Variants in ZNF287 observed in about 807,000 individuals in gnomAD.
The protein encoded by ZNF287 is zinc finger protein 287, also known as zinc finger protein with KRAB and SCAN domains 13.
A neutral mutation model predicts 73.7 loss-of-function variants in ZNF287; 31 were observed. The ratio of observed to expected loss-of-function variants is 0.42; its 90% CI spans 0.32 to 0.57. The LOEUF (loss-of-function observed/expected upper bound fraction) is 0.57. ZNF287 is among the 20% of genes least tolerant of loss of function. ZNF287 has a pLI of 0.13. For missense variants in ZNF287, 641 were observed against 909.3 expected (o/e 0.70, Z 3.79); for synonymous variants, 301 against 307.2 (o/e 0.98, Z 0.21).
intron 5 of ZNF287, among the ~76,000 whole-genome samples, chr17:16,555,601 AACACACACACACACACACACACACAC>A (rs201011881): frequency 7.8e-6 from 1 of 128,162 alleles, no homozygotes; most frequent in African/African-American, 2.8e-5. Flanking sequence ...CACATAACCA[AACACACACACACACACACACACACAC>A]ACACACACAC....
chr17:16,555,621 CA>C (rs1906997441), intron 5 of ZNF287, among the ~76,000 whole-genome samples: 1 of 151,732 alleles, frequency 6.6e-6, no homozygotes, highest in African/African-American at 2.4e-5. Context: ...CACACACACA[CA>C]CACACACACA....
In ZNF287 at chr17:16,547,004, A is replaced by G. The variant is rs1407589980; in HGVS notation, c.*4852T>C. ...AATGGTTATAGTGTTCTAAGGGGCTAATAATTATGAAAGATAGAGCCATGG... is the reference window on the plus strand; with the variant it reads ...AATGGTTATAGTGTTCTAAGGGGCTGATAATTATGAAAGATAGAGCCATGG... On this transcript the variant is annotated 3_prime_UTR_variant, in exon 6 of 6. Coordinates refer to ENST00000395825, the MANE Select transcript of ZNF287 (RefSeq NM_020653.4). Among the ~76,000 whole-genome samples the G allele has an allele frequency of 4.6e-5, 7 of 152,194 alleles. No individual in the cohort carries two copies. Among genetic ancestry groups the G allele is most frequent in the Admixed American group, 3.9e-4 (6 of 15,280 alleles).
intron 5 of ZNF287, among the ~76,000 whole-genome samples, chr17:16,561,890 T>C (rs1224476703): frequency 1.3e-5 from 2 of 152,214 alleles, no homozygotes; most frequent in African/African-American, 2.4e-5. Context: ...TATTTGACTA[T>C]ACATTTGATG....
At chr17:16,554,695 G>A (rs1252249251) in intron 5 of ZNF287, among the ~76,000 whole-genome samples, 1 of 152,198 alleles carries the variant, frequency 6.6e-6, no homozygotes, top group Non-Finnish European at 1.5e-5. Flanking sequence ...AAGGTGGGTG[G>A]ATCACTTCAG....
intron 3 of ZNF287, among the ~76,000 whole-genome samples, chr17:16,564,324 C>A (rs1159027975): frequency 6.6e-6 from 1 of 152,180 alleles, no homozygotes; most frequent in Non-Finnish European, 1.5e-5. Context: ...CCTCACCCTC[C>A]TGAGTAGCTA....
chr17:16,557,503 C>T (rs968949281), intron 5 of ZNF287, among the ~76,000 whole-genome samples: 10 of 152,102 alleles, frequency 6.6e-5, no homozygotes, highest in African/African-American at 2.4e-4. Flanking sequence ...CCAAAGTTTC[C>T]ATTTCCTGAA....
At position 16,548,665 on chromosome 17, in the gene ZNF287, T is replaced by A. The variant is rs1398671830; in HGVS notation, c.*3191A>T. 1.3e-5 allele frequency among the ~76,000 whole-genome samples: 2 copies of A among 151,996 alleles called. No individual in the cohort carries two copies. The highest frequency in any genetic ancestry group is 2.9e-5 in the Non-Finnish European group (2 of 68,020). The stretch of plus-strand genomic sequence containing the variant: ...ATACAAAGAAATTAGCCGGGCGTGG[T>A]GGCGGGTGTCTGTAGTCCCAGCTAC... On this transcript the variant is annotated 3_prime_UTR_variant, in exon 6 of 6. Coordinates refer to ENST00000395825, the MANE Select transcript of ZNF287 (RefSeq NM_020653.4).
At chr17:16,568,316 T>C (rs1275350055) in intron 1 of ZNF287, among the ~76,000 whole-genome samples, 1 of 152,058 alleles carries the variant, frequency 6.6e-6, no homozygotes, top group East Asian at 1.9e-4. Context: ...TGGAAGAAAC[T>C]AGGAGAATTT....
intron 5 of ZNF287, among the ~76,000 whole-genome samples, chr17:16,555,685 G>A (rs1907008461): frequency 6.6e-6 from 1 of 151,442 alleles, no homozygotes. Flanking sequence ...TAACCTGGCT[G>A]TAATAAGGCA....
chr17:16,564,532 A>G (rs1288109590), intron 3 of ZNF287, among the ~76,000 whole-genome samples: 3 of 152,202 alleles, frequency 2.0e-5, no homozygotes, highest in Non-Finnish European at 4.4e-5. Flanking sequence ...CAGATGACAC[A>G]GTTGAATGGT....
chr17:16,552,122 T>G lies in ZNF287; in HGVS notation c.2020A>C (p.Lys674Gln), dbSNP rs760062350. Residue 674 changes from lysine (K) to glutamine (Q), a missense_variant, in exon 6 of 6, where the codon AAA (lysine) becomes CAA (glutamine). Coordinates refer to ENST00000395825, the MANE Select transcript of ZNF287 (RefSeq NM_020653.4). This position sits in a 1 kb window ranked among gnomAD's most constrained non-coding sequence, Gnocchi z 6.5. ...CCACATTCATTACATTTATAGGGTTTTTCTCCAGTATGAATCCTTTGATGC... is the reference window on the plus strand; with the variant it reads ...CCACATTCATTACATTTATAGGGTTGTTCTCCAGTATGAATCCTTTGATGC... ...TQHQRIHTGE[K>Q]PYKCNECGKA... is the part of the protein sequence containing the mutation. 3 of 1,614,024 alleles carry G rather than the reference T, an allele frequency of 1.9e-6. No homozygotes were observed. Among genetic ancestry groups the G allele is most frequent in the African/African-American group, 1.3e-5 (1 of 74,936 alleles).
chr17:16,567,605 G>A lies in ZNF287; in HGVS notation c.127C>T (p.Arg43Cys), dbSNP rs1473091499. 5.6e-6 allele frequency: 9 copies of A among 1,614,046 alleles called. No individual in the cohort carries two copies. The highest frequency in any genetic ancestry group is 1.6e-4 in the Middle Eastern group (1 of 6,084). Residue 43 changes from arginine (R) to cysteine (C), a missense_variant, in exon 2 of 6, where the codon CGT becomes TGT. Arg to Cys is a radical substitution (Grantham distance 180). This residue lies in a region of ZNF287 where 357 missense variants were observed against 442.4 expected (regional missense o/e 0.81). Coordinates refer to ENST00000395825, the MANE Select transcript of ZNF287 (RefSeq NM_020653.4). ...TTCTGTCGACAGGTCTCAGTGTCACGCAAGAATCTTGAAGTAAGGATTTCC... is the reference window on the plus strand; with the variant it reads ...TTCTGTCGACAGGTCTCAGTGTCACACAAGAATCTTGAAGTAAGGATTTCC... ...EKEILTSRFL[R>C]DTETCRQNFR...
intron 5 of ZNF287, among the ~76,000 whole-genome samples, chr17:16,559,831 G>T (rs1907307978): frequency 6.6e-6 from 1 of 152,194 alleles, no homozygotes; most frequent in Non-Finnish European, 1.5e-5. Flanking sequence ...AAAGATGCTG[G>T]ACTTTTGTTT....
intron 5 of ZNF287, among the ~76,000 whole-genome samples, chr17:16,562,684 T>C (rs1477405692): frequency 6.6e-6 from 1 of 152,048 alleles, no homozygotes; most frequent in African/African-American, 2.4e-5. Context: ...CTTGTGAATA[T>C]ATTATCTTTT....
At chr17:16,563,904 G>A (rs1907594021) in intron 3 of ZNF287, 79 bp from the exon 4 acceptor site, 2 of 1,494,740 alleles carry the variant, frequency 1.3e-6, no homozygotes, top group Admixed American at 2.0e-5. Context: ...TATATGTATG[G>A]TGGGGGACTG....
At chr17:16,559,385 A>G (rs1018699550) in intron 5 of ZNF287, 3 of 152,218 alleles carry the variant, frequency 2.0e-5, no homozygotes, top group Non-Finnish European at 4.4e-5. Context: ...TGTGAATGTG[A>G]AACTATTTTT....
Position 16,563,210 on chromosome 17 carries a change from A to T in ZNF287, c.651T>A (p.Thr217=). ...ATGGTTCTTCCAATATGGGAATCAC[A>T]GTTGGTCTGTACACTGTAAGTCCTG... The part of the protein sequence containing the change: ...VSLGLTVYRP[T]VIPILEEPWM... The change falls in exon 5 of 6, where the codon ACT becomes ACA. Residue 217 remains threonine (T), a synonymous_variant. Coordinates refer to ENST00000395825, the MANE Select transcript of ZNF287 (RefSeq NM_020653.4). The T allele has an allele frequency of 6.2e-7, 1 of 1,613,662 alleles. No homozygotes were observed. The highest frequency in any genetic ancestry group is 1.3e-5 in the African/African-American group (1 of 75,034).
chr17:16,565,006 C>T (rs1176870064), intron 3 of ZNF287, among the ~76,000 whole-genome samples: 1 of 151,924 alleles, frequency 6.6e-6, no homozygotes, highest in Non-Finnish European at 1.5e-5. Context: ...AGGTGTGAGC[C>T]ACTGCGCCTG....
At chr17:16,567,178 C>T (rs993735214) in intron 2 of ZNF287, 151 bp downstream of exon 2, 4 of 1,000,892 alleles carry the variant, frequency 4.0e-6, no homozygotes, top group African/African-American at 3.2e-5. Context: ...CACTCACTAA[C>T]CTTTGTTCTC....
Sources: gnomAD v4.1 joint callset for allele counts (sites outside exome capture counted in the v4.1 genomes callset) on GRCh38, gnomAD v4.1.1 for gene constraint, gnomAD v4.1.1 regional missense constraint, Gnocchi (gnomAD v3.1) non-coding constraint, MANE v1.5 for transcripts, NCBI Gene and HGNC (gene_info 2026-07-23, HGNC 2026-07-21) for gene names.